FNIP1: variants seen among roughly 807,000 people sequenced by gnomAD.
The protein encoded by FNIP1 is folliculin interacting protein 1.
FNIP1 carries 40 observed loss-of-function variants against 124.5 expected under a neutral mutation model. The ratio of observed to expected loss-of-function variants is 0.32; its 90% CI spans 0.25 to 0.42. The LOEUF is 0.42. Ranked by LOEUF, FNIP1 falls within the 10% of genes least tolerant of loss-of-function variation. The pLI, the probability that FNIP1 is intolerant of heterozygous loss-of-function variation, is 1.00. For synonymous variants in FNIP1, 472 were observed against 470.6 expected, an observed-to-expected ratio of 1.00 and a Z score of -0.04; for missense variants, 1,176 against 1,403.7, an observed-to-expected ratio of 0.84 and a Z score of 2.59.
intron 5 of FNIP1, among the ~76,000 whole-genome samples, chr5:131,718,049 G>A (rs1460520129): frequency 8.6e-5 from 13 of 151,100 alleles, no homozygotes; most frequent in Non-Finnish European, 2.9e-5. Flanking sequence ...AAAGTCAGCC[G>A]GGCGTGGTGG....
intron 2 of FNIP1, among the ~76,000 whole-genome samples, chr5:131,742,761 A>T (rs944351669): frequency 1.3e-5 from 2 of 152,236 alleles, no homozygotes; most frequent in African/African-American, 4.8e-5. Flanking sequence ...TAGAAAGTTT[A>T]AAAAAATTTA....
intron 13 of FNIP1, among the ~76,000 whole-genome samples, chr5:131,675,207 C>T (rs1767875612): frequency 6.6e-6 from 1 of 152,234 alleles, no homozygotes; most frequent in Non-Finnish European, 1.5e-5. Context: ...CTCAATATCT[C>T]TGCCAGTCCA....
At chr5:131,731,177 C>T in intron 2 of FNIP1, 139 bp from the exon 3 acceptor site, 4 of 712,720 alleles carry the variant, frequency 5.6e-6, no homozygotes, top group Non-Finnish European at 8.9e-6. Context: ...TGGCATTTTG[C>T]TGTATTTTCT....
At position 131,706,420 on chromosome 5, in the gene FNIP1, AAT is replaced by A; in HGVS notation, c.903_904del (p.Phe302SerfsTer2). The A allele has an allele frequency of 6.2e-7, 1 of 1,611,222 alleles. No homozygotes were observed. Among genetic ancestry groups the A allele is most frequent in the Non-Finnish European group, 8.5e-7 (1 of 1,178,648 alleles). Reference sequence around the variant, plus strand: ...TAAAGTTCCAACTTACCATCTAGGAAATACCCCATTTTCCAAACTTGTTGTTT... The same window carrying A: ...TAAAGTTCCAACTTACCATCTAGGAAACCCCATTTTCCAAACTTGTTGTTT... On this transcript the variant is annotated frameshift_variant, in exon 9 of 18. Transcript: ENST00000510461. LOFTEE classifies it high-confidence loss of function.
chr5:131,704,282 T>C lies in FNIP1; in HGVS notation c.915-16A>G, dbSNP rs752122235. 10 of 1,529,330 alleles carry C rather than the reference T, an allele frequency of 6.5e-6. No individual in the cohort carries two copies. The Admixed American group carries it at 2.1e-4, about 32-fold the overall frequency. The allele number at this position is 1,529,330 out of a possible 1,614,324, so 94.7% of individuals were successfully genotyped here. A position where few individuals can be genotyped will look rare whatever the true frequency, so the allele number is the denominator to read the frequency against. ...TTCTATAGACCTTAAAAATAAATGA[T>C]TTTTTATTAATTTACAAAAGTAAAA... On this transcript the variant is annotated splice_polypyrimidine_tract_variant and intron_variant, in intron 9 of 17. Coordinates refer to ENST00000510461, the MANE Select transcript of FNIP1 (RefSeq NM_133372.3).
At position 131,702,802 on chromosome 5, in the gene FNIP1, C is replaced by G. The variant is rs574369810; in HGVS notation, c.1116+1263G>C. Reference sequence around the variant, plus strand: ...CTCCTTCCTTGAAATACTTTCTGTACTTGGCTTTCCCCAAAAGAATACACT... The same window carrying G: ...CTCCTTCCTTGAAATACTTTCTGTAGTTGGCTTTCCCCAAAAGAATACACT... On this transcript the variant is annotated intron_variant, in intron 10 of 17. Transcript: ENST00000510461. Among the ~76,000 whole-genome samples, 20 of 152,330 alleles carry G rather than the reference C, an allele frequency of 1.3e-4. No individual in the cohort carries two copies. In the South Asian group the frequency reaches 4.1e-3, roughly 32 times the overall value.
At chr5:131,688,245 A>G (rs936346589) in intron 11 of FNIP1, among the ~76,000 whole-genome samples, 1 of 152,068 alleles carries the variant, frequency 6.6e-6, no homozygotes, top group Non-Finnish European at 1.5e-5. Flanking sequence ...AATCTATTCA[A>G]AGAAGTAGTT....
intron 3 of FNIP1, 74 bp from the exon 4 acceptor site, chr5:131,719,491 A>T: frequency 1.5e-6 from 2 of 1,360,482 alleles, no homozygotes. Context: ...GATTTTTATT[A>T]AAAATTCTTG....
At position 131,670,761 on chromosome 5, in the gene FNIP1, T is replaced by C. The variant is rs527516638; in HGVS notation, c.2940-130A>G. The C allele has an allele frequency of 8.5e-4, 495 of 581,854 alleles. 2 individuals carry two copies. The highest frequency in any genetic ancestry group is 9.5e-4 in the Middle Eastern group (2 of 2,096). The allele number at this position is 581,854 out of a possible 1,614,324, so 36.0% of individuals were successfully genotyped here. The stretch of plus-strand genomic sequence containing the variant: ...TGTATTAAAATCAAGTGTAAAATCA[T>C]CCTTATATAATGGTAACAATCGTAA... On this transcript the variant is annotated intron_variant, in intron 14 of 17. Coordinates refer to ENST00000510461, the MANE Select transcript of FNIP1 (RefSeq NM_133372.3).
chr5:131,730,175 G>T (rs1236579319), intron 3 of FNIP1, among the ~76,000 whole-genome samples: 2 of 152,320 alleles, frequency 1.3e-5, no homozygotes, highest in East Asian at 3.9e-4. Context: ...TGGAATAGAA[G>T]AAGGCAGGGG....
At chr5:131,790,826 C>A (rs1772384950) in intron 1 of FNIP1, among the ~76,000 whole-genome samples, 1 of 152,122 alleles carries the variant, frequency 6.6e-6, no homozygotes, top group Non-Finnish European at 1.5e-5. Context: ...GTATAAGGGA[C>A]TATATCAAGA....
intron 1 of FNIP1, 54 bp downstream of exon 1, chr5:131,796,776 G>T: frequency 1.3e-6 from 2 of 1,504,240 alleles, no homozygotes; most frequent in Non-Finnish European, 9.0e-7. Context: ...CACCCCTGGA[G>T]CCCGGAGCCC....
chr5:131,725,171 C>G (rs1200944761), intron 3 of FNIP1, among the ~76,000 whole-genome samples: 1 of 152,114 alleles, frequency 6.6e-6, no homozygotes, highest in East Asian at 1.9e-4. Context: ...TTAGGATTTT[C>G]TTGGCTATAC....
At position 131,651,890 on chromosome 5, in the gene FNIP1, A is replaced by G. The variant is rs1430347053; in HGVS notation, c.3218T>C (p.Leu1073Ser). The G allele has an allele frequency of 6.2e-7, 1 of 1,614,076 alleles. No homozygotes were observed. The highest frequency in any genetic ancestry group is 1.7e-5 in the Admixed American group (1 of 60,000). ...ACTGGAAACCAATACTTCCTTTCCCAATTTATTATCTGTCACTCGTCTCTG... is the reference window on the plus strand; with the variant it reads ...ACTGGAAACCAATACTTCCTTTCCCGATTTATTATCTGTCACTCGTCTCTG... ...SSQRRVTDNK[L>S]GKEVLVSSLV... The change falls in exon 16 of 18, where the codon TTG (leucine) becomes TCG (serine). Residue 1073 changes from leucine (L) to serine (S), a missense_variant. Physicochemically the swap from Leu to Ser is moderately radical, Grantham distance 145. Coordinates refer to ENST00000510461, the MANE Select transcript of FNIP1 (RefSeq NM_133372.3).
chr5:131,785,081 T>TATATATC (rs1554100703), intron 1 of FNIP1, among the ~76,000 whole-genome samples: 4 of 12,086 alleles, frequency 3.3e-4, no homozygotes, highest in African/African-American at 9.8e-4. Flanking sequence ...ATATATGACA[T>TATATATC]ATATATATGA....
At chr5:131,739,132 A>C (rs1176815102) in intron 2 of FNIP1, among the ~76,000 whole-genome samples, 3 of 151,488 alleles carry the variant, frequency 2.0e-5, no homozygotes, top group African/African-American at 7.3e-5. Context: ...TACCTTTTCC[A>C]CTCCACAGAT....
rs1287719291 is a variant in FNIP1 at position 131,796,910 on chromosome 5, C to T, written c.12G>A (p.Thr4=). The T allele has an allele frequency of 6.2e-7, 1 of 1,607,340 alleles. No homozygotes were observed. Among genetic ancestry groups the T allele is most frequent in the Non-Finnish European group, 8.5e-7 (1 of 1,177,658 alleles). Residue 4 remains threonine, a synonymous_variant, in exon 1 of 18, where the codon ACG becomes ACA. Transcript: ENST00000510461. ...TCTTGCTGAAGAGCTTCTGGAACAG[C>T]GTAGGGGCCATGCTAGCCACGGCCA... MAP[T]LFQKLFSKRT...
intron 1 of FNIP1, among the ~76,000 whole-genome samples, chr5:131,755,421 A>G (rs551246937): frequency 8.6e-6 from 1 of 116,436 alleles, no homozygotes; most frequent in Non-Finnish European, 1.6e-5. Flanking sequence ...ACTCAATCTT[A>G]AAAAAAAAAA....
chr5:131,658,552 G>A (rs918871964), intron 15 of FNIP1, among the ~76,000 whole-genome samples: 1 of 151,646 alleles, frequency 6.6e-6, no homozygotes, highest in Non-Finnish European at 1.5e-5. Context: ...CTCAAGTTGG[G>A]GGACAAAAGG....
Sources: gnomAD v4.1 joint callset for allele counts (sites outside exome capture counted in the v4.1 genomes callset) on GRCh38, gnomAD v4.1.1 for gene constraint, MANE v1.5 for transcripts, NCBI Gene and HGNC (gene_info 2026-07-23, HGNC 2026-07-21) for gene names.